The following LGR6 variants were observed in gnomAD, a reference collection of about 807,000 sequenced individuals.
The protein encoded by LGR6 is leucine-rich repeat-containing G protein-coupled receptor 6.
Under a neutral mutation model 69.4 loss-of-function variants are expected in LGR6, and 45 were observed. That is an observed-to-expected ratio of 0.65 (90% confidence interval 0.51 to 0.83). The LOEUF is 0.83. Ranked by LOEUF, LGR6 falls within the 40% of genes least tolerant of loss-of-function variation. LGR6 has a pLI of 0.00. For missense variants in LGR6, 1,108 were observed against 1,246.7 expected (o/e 0.89, Z 1.68); for synonymous variants, 538 against 555.0 (o/e 0.97, Z 0.43).
At position 202,318,748 on chromosome 1, in the gene LGR6, G is replaced by A; in HGVS notation, c.2445G>A (p.Val815=). The A allele has an allele frequency of 6.2e-7, 1 of 1,613,402 alleles. No homozygotes were observed. The part of the protein sequence containing the change: ...PEAVKSVLLV[V]LPLPACLNPL... The stretch of plus-strand genomic sequence containing the variant: ...CCGTCAAGTCTGTCCTGCTGGTGGT[G>A]CTGCCCCTGCCTGCCTGCCTCAACC... Residue 815 remains valine (V), a synonymous_variant, in exon 18 of 18, where the codon GTG becomes GTA. Transcript: ENST00000367278.
intron 4 of LGR6, among the ~76,000 whole-genome samples, chr1:202,264,856 G>A (rs1168194179): frequency 2.0e-5 from 3 of 152,016 alleles, no homozygotes; most frequent in Non-Finnish European, 4.4e-5. Flanking sequence ...GCCCGCCCCC[G>A]CCACCACCCC....
intron 1 of LGR6, among the ~76,000 whole-genome samples, chr1:202,224,735 C>A (rs1253386211): frequency 6.6e-6 from 1 of 152,308 alleles, no homozygotes; most frequent in East Asian, 1.9e-4. Flanking sequence ...GGAGCTCAGG[C>A]GGGAGTGCTC....
At chr1:202,239,344 GGTGTGTGTGTGTGT>G (rs36157781) in intron 4 of LGR6, among the ~76,000 whole-genome samples, 429 of 144,224 alleles carry the variant, frequency 3.0e-3, no homozygotes, top group Middle Eastern at 0.014. Flanking sequence ...GTGTGTGTGT[GGTGTGTGTGTGTGT>G]GTGTGTGTGT....
At chr1:202,282,245 G>A (rs1161246816) in intron 6 of LGR6, among the ~76,000 whole-genome samples, 1 of 152,186 alleles carries the variant, frequency 6.6e-6, no homozygotes, top group Non-Finnish European at 1.5e-5. Context: ...ATAGACAGCT[G>A]GGCAGTTAAC....
At chr1:202,294,366 C>A (rs1666998315) in intron 6 of LGR6, among the ~76,000 whole-genome samples, 1 of 152,196 alleles carries the variant, frequency 6.6e-6, no homozygotes, top group Admixed American at 6.5e-5. Context: ...TAACAAATCA[C>A]CCCAAAATTT....
chr1:202,221,603 G>A (rs1342783967), intron 1 of LGR6, among the ~76,000 whole-genome samples: 3 of 152,106 alleles, frequency 2.0e-5, no homozygotes, highest in Non-Finnish European at 4.4e-5. Context: ...GCTTCAGGAT[G>A]GAGTTACAAC....
chr1:202,265,785 T>C (rs887738792), intron 4 of LGR6, among the ~76,000 whole-genome samples: 1 of 152,210 alleles, frequency 6.6e-6, no homozygotes, highest in Non-Finnish European at 1.5e-5. Context: ...ATGCTGAAAG[T>C]GCCCATAACT....
chr1:202,214,313 A>C, intron 1 of LGR6: 2 of 1,394,168 alleles, frequency 1.4e-6, no homozygotes, highest in Admixed American at 3.4e-5. Context: ...AGGACCCAGA[A>C]ACCGACGCGA....
intron 10 of LGR6, among the ~76,000 whole-genome samples, chr1:202,303,605 G>T (rs1198093366): frequency 6.6e-6 from 1 of 152,176 alleles, no homozygotes; most frequent in Non-Finnish European, 1.5e-5. Context: ...TTAATTTAGA[G>T]CTCCTAACCC....
At chr1:202,218,258 A>G (rs945694748) in intron 1 of LGR6, among the ~76,000 whole-genome samples, 1 of 151,910 alleles carries the variant, frequency 6.6e-6, no homozygotes, top group African/African-American at 2.4e-5. Flanking sequence ...AGCGCCTGCT[A>G]TTCAGGGGGT....
chr1:202,307,289 CAT>C lies in LGR6; in HGVS notation c.1209-40_1209-39del, dbSNP rs781143493. 19 of 1,579,644 alleles carry C rather than the reference CAT, an allele frequency of 1.2e-5. 1 individual carries two copies. The Admixed American group carries it at 2.2e-4, about 18-fold the overall frequency. On this transcript the variant is annotated intron_variant, in intron 13 of 17. Transcript: ENST00000367278. ...CATGATGGGAACAGTGAGTCCTCCA[CAT>C]GTTACTGTCCCCTCCTGTCACACCC...
At chr1:202,215,020 T>TGC (rs1553239912) in intron 1 of LGR6, among the ~76,000 whole-genome samples, 7,165 of 135,820 alleles carry the variant, frequency 0.053, 223 homozygotes, top group Admixed American at 0.1. Flanking sequence ...TGTGTGTGTG[T>TGC]GCGCGCGCGC....
chr1:202,267,008 A>C (rs1664724884), intron 4 of LGR6, among the ~76,000 whole-genome samples: 1 of 152,130 alleles, frequency 6.6e-6, no homozygotes, highest in South Asian at 2.1e-4. Flanking sequence ...TGTATCCTTC[A>C]TGTCTTGTGT....
At chr1:202,304,529 G>A (rs749325219) in intron 10 of LGR6, 30 bp from the exon 11 acceptor site, 4 of 1,570,794 alleles carry the variant, frequency 2.5e-6, no homozygotes, top group Non-Finnish European at 3.5e-6. Flanking sequence ...CCTGGGCCTG[G>A]TGCCAGCTCT....
intron 1 of LGR6, among the ~76,000 whole-genome samples, chr1:202,204,536 T>C (rs1458748805): frequency 6.8e-4 from 28 of 41,384 alleles, no homozygotes; most frequent in Non-Finnish European, 8.0e-4. Context: ...CACACACACC[T>C]CCTTCAAACA....
intron 1 of LGR6, chr1:202,214,130 G>GC: frequency 6.8e-7 from 1 of 1,472,334 alleles, no homozygotes; most frequent in African/African-American, 1.5e-5. Flanking sequence ...CCGCAGAACT[G>GC]GCACTCGAGG....
At chr1:202,198,676 T>G (rs75218667) in intron 1 of LGR6, among the ~76,000 whole-genome samples, 2 of 102,154 alleles carry the variant, frequency 2.0e-5, no homozygotes, top group African/African-American at 5.6e-5. Context: ...AGGTTTTTTT[T>G]TTTTTTTTTT....
chr1:202,306,622 A>C, intron 12 of LGR6: 1 of 541,262 alleles, frequency 1.8e-6, no homozygotes, highest in Non-Finnish European at 3.3e-6. Context: ...CAGTGGGAAC[A>C]CTGGAAGCTG....
chr1:202,227,822 ATAG>A (rs1660679216), intron 2 of LGR6, 111 bp from the exon 3 acceptor site: 1 of 724,042 alleles, frequency 1.4e-6, no homozygotes, highest in South Asian at 1.5e-5. Context: ...ATTTCAATAA[ATAG>A]TAGTTTTTAC....
Sources: allele counts gnomAD v4.1 joint callset (sites outside exome capture counted in the v4.1 genomes callset), GRCh38; gene constraint gnomAD v4.1.1; transcripts MANE v1.5; gene names NCBI Gene and HGNC (gene_info 2026-07-23, HGNC 2026-07-21).